GOLGB1: variants seen among roughly 807,000 people sequenced by gnomAD.
GOLGB1 encodes the protein golgin subfamily B member 1.
GOLGB1 carries 174 observed loss-of-function variants against 336.9 expected under a neutral mutation model. That is an observed-to-expected ratio of 0.52 (90% CI 0.46 to 0.59). The LOEUF (loss-of-function observed/expected upper bound fraction) is 0.59, where lower values mean the gene tolerates loss of function less well. Ranked by LOEUF, GOLGB1 falls within the 20% of genes least tolerant of loss-of-function variation. GOLGB1 has a pLI of 0.00. For missense variants in GOLGB1, 3,331 were observed against 3,645.3 expected, an observed-to-expected ratio of 0.91 and a Z score of 2.22; for synonymous variants, 1,208 against 1,289.2, an observed-to-expected ratio of 0.94 and a Z score of 1.35.
chr3:121,729,196 G>A lies in GOLGB1; in HGVS notation c.394C>T (p.Leu132Phe). 1 of 1,604,978 alleles carries A rather than the reference G, an allele frequency of 6.2e-7. No homozygotes were observed. The highest frequency in any genetic ancestry group is 8.5e-7 in the Non-Finnish European group (1 of 1,176,568). The change falls in exon 4 of 22, where the codon CTT (leucine) becomes TTT (phenylalanine). Residue 132 changes from leucine to phenylalanine, a missense_variant. Coordinates refer to ENST00000614479, the MANE Select transcript of GOLGB1 (RefSeq NM_001366282.2). ...ACACCCAGTCACCATACCTTGGAAAGTTGCTCCTCTGACTGAGGTTCTGTA... is the reference window on the plus strand; with the variant it reads ...ACACCCAGTCACCATACCTTGGAAAATTGCTCCTCTGACTGAGGTTCTGTA... ...LPTEPQSEEQ[L>F]SKHDKSSTEE...
In GOLGB1 at chr3:121,693,885, G is replaced by T. The variant is rs1334582098; in HGVS notation, c.6638C>A (p.Ala2213Asp). ...ACTAAACTTCCTCTCCCATTTCTTAGCTTCATCTATCACCCTGTCACGATC... is the reference window on the plus strand; with the variant it reads ...ACTAAACTTCCTCTCCCATTTCTTATCTTCATCTATCACCCTGTCACGATC... ...QDDRDRVIDE[A>D]KKWERKFSDA... Residue 2213 changes from alanine to aspartate, a missense_variant, in exon 13 of 22, where the codon GCT becomes GAT. Physicochemically the swap from Ala to Asp is moderately radical, Grantham distance 126 (BLOSUM62 -2). Coordinates refer to ENST00000614479, the MANE Select transcript of GOLGB1 (RefSeq NM_001366282.2). 3.1e-6 allele frequency: 5 copies of T among 1,613,904 alleles called. No individual in the cohort carries two copies.
Position 121,716,852 on chromosome 3 carries a change from C to T in GOLGB1, c.1173G>A (p.Lys391=), listed in dbSNP as rs777745968. 1.9e-6 allele frequency: 3 copies of T among 1,613,772 alleles called. No individual in the cohort carries two copies. The highest frequency in any genetic ancestry group is 2.5e-6 in the Non-Finnish European group (3 of 1,179,710). ...EKTSHILSLQ[K]TGQELQSACD... is the part of the protein sequence containing the mutation. ...AGGCAGACTGCAGCTCTTGTCCAGT[C>T]TTTTGAAGACTCAAAATATGAGAGG... Residue 391 remains lysine, a synonymous_variant, in exon 9 of 22, where the codon AAG becomes AAA. Transcript: ENST00000614479.
chr3:121,677,404 G>A lies in GOLGB1; in HGVS notation c.8920C>T (p.Gln2974Ter), dbSNP rs1560181322. ...TTATCTGAGATAGCCATAAGGTACT[G>A]TTCCTTCATTCTCCTCTCATGTATT... ...WEIHERRMKE[Q>*]YLMAISDKDQ... The change falls in exon 16 of 22, where the codon CAG (glutamine) becomes TAG (stop). Residue 2974 changes from glutamine (Q) to a stop codon, truncating the protein, a stop_gained. Coordinates refer to ENST00000614479, the MANE Select transcript of GOLGB1 (RefSeq NM_001366282.2). LOFTEE classifies it high-confidence loss of function. The A allele has an allele frequency of 6.2e-7, 1 of 1,607,046 alleles. No homozygotes were observed. The highest frequency in any genetic ancestry group is 8.5e-7 in the Non-Finnish European group (1 of 1,173,646).
intron 5 of GOLGB1, among the ~76,000 whole-genome samples, chr3:121,723,296 A>G (rs1945324413): frequency 6.6e-6 from 1 of 152,202 alleles, no homozygotes; most frequent in Non-Finnish European, 1.5e-5. Context: ...GTTACTGTTG[A>G]GGTGCTGCAC....
intron 11 of GOLGB1, among the ~76,000 whole-genome samples, chr3:121,702,196 G>A (rs1260166730): frequency 6.6e-6 from 1 of 152,008 alleles, no homozygotes; most frequent in Non-Finnish European, 1.5e-5. Context: ...TCCTGTTCAA[G>A]CCATACTTCC....
intron 13 of GOLGB1, 110 bp from the exon 14 acceptor site, chr3:121,692,691 C>T (rs1942558630): frequency 1.6e-6 from 1 of 619,676 alleles, no homozygotes; most frequent in Non-Finnish European, 2.7e-6. Flanking sequence ...AATTAACATT[C>T]ATAACAGGTG....
intron 20 of GOLGB1, among the ~76,000 whole-genome samples, chr3:121,665,718 C>T (rs77570895): frequency 0.17 from 25,428 of 152,128 alleles, 2,704 homozygotes; most frequent in Middle Eastern, 0.29. Context: ...TAACACAGCA[C>T]GTTTGATCAA....
intron 20 of GOLGB1, 78 bp downstream of exon 20, chr3:121,667,398 T>A: frequency 7.0e-7 from 1 of 1,437,922 alleles, no homozygotes; most frequent in South Asian, 1.3e-5. Context: ...TAAGAAATCC[T>A]AAGTCTGGCA....
rs1432496026 is a variant in GOLGB1, at chr3:121,697,231, G to C, written c.3292C>G (p.Leu1098Val). The change falls in exon 13 of 22, where the codon CTG (leucine) becomes GTG (valine). Residue 1098 changes from leucine (L) to valine (V), a missense_variant. Physicochemically the swap from Leu to Val is conservative, Grantham distance 32 (BLOSUM62 1). Transcript: ENST00000614479. ...KLAAEEQFQA[L>V]VKQMNQTLQD... is the part of the protein sequence containing the mutation. ...AAGGTCTGATTCATCTGTTTGACCA[G>C]AGCCTGGAATTGCTCTTCAGCTGCC... 2 of 1,614,114 alleles carry C rather than the reference G, an allele frequency of 1.2e-6. No individual in the cohort carries two copies.
chr3:121,695,731 A>G lies in GOLGB1; in HGVS notation c.4792T>C (p.Leu1598=), dbSNP rs1381529990. 3.1e-6 allele frequency: 5 copies of G among 1,611,508 alleles called. No individual in the cohort carries two copies. The highest frequency in any genetic ancestry group is 2.7e-5 in the African/African-American group (2 of 75,038). The change falls in exon 13 of 22, where the codon TTG becomes CTG. Residue 1598 remains leucine, a synonymous_variant. Transcript: ENST00000614479. The stretch of plus-strand genomic sequence containing the variant: ...CTTTCTGCAATCTTAGAAGATTTCA[A>G]AGATTCAATTTCCTTCACTAACTTT... ...KEKLVKEIES[L]KSSKIAESTE... is the part of the protein sequence containing the mutation.
chr3:121,731,945 AAC>A (rs1454900867), intron 1 of GOLGB1, among the ~76,000 whole-genome samples: 3 of 152,180 alleles, frequency 2.0e-5, no homozygotes, highest in Non-Finnish European at 4.4e-5. Context: ...CCAAGAAAAA[AAC>A]AGAGAAGACA....
intron 11 of GOLGB1, 72 bp downstream of exon 11, chr3:121,702,409 A>G: frequency 1.8e-6 from 1 of 543,746 alleles, no homozygotes; most frequent in Non-Finnish European, 3.2e-6. Flanking sequence ...CATGTTATAC[A>G]TAATTAGTGA....
At chr3:121,733,612 C>G (rs776981562) in intron 1 of GOLGB1, among the ~76,000 whole-genome samples, 3 of 152,108 alleles carry the variant, frequency 2.0e-5, no homozygotes, top group Non-Finnish European at 4.4e-5. Flanking sequence ...TAGTAAACAT[C>G]AAAAAGCTGA....
chr3:121,727,395 A>G (rs1421701953), intron 4 of GOLGB1, among the ~76,000 whole-genome samples: 1 of 144,798 alleles, frequency 6.9e-6, no homozygotes, highest in African/African-American at 2.6e-5. Context: ...AATATAGAAA[A>G]CAGCTATCTG....
At chr3:121,704,297 A>C (rs1158137635) in intron 10 of GOLGB1, among the ~76,000 whole-genome samples, 1 of 152,198 alleles carries the variant, frequency 6.6e-6, no homozygotes, top group Non-Finnish European at 1.5e-5. Flanking sequence ...GAAACTCAAC[A>C]AAAGCAAGCA....
rs144258872 is a variant in GOLGB1, at chr3:121,708,549, C to T, written c.1405-5954G>A. ...TCAGGAGGCTGAGGTGAGAGGATTGCTTGAGCCCAGGAAGTTAAGGCTATA... is the reference window on the plus strand; with the variant it reads ...TCAGGAGGCTGAGGTGAGAGGATTGTTTGAGCCCAGGAAGTTAAGGCTATA... On this transcript the variant is annotated intron_variant, in intron 10 of 21. Coordinates refer to ENST00000614479, the MANE Select transcript of GOLGB1 (RefSeq NM_001366282.2). 2.5e-4 allele frequency among the ~76,000 whole-genome samples: 38 copies of T among 152,196 alleles called. No homozygotes were observed. In the East Asian group the frequency reaches 6.6e-3, roughly 26 times the overall value.
At chr3:121,673,723 C>G (rs997292871) in intron 17 of GOLGB1, among the ~76,000 whole-genome samples, 2 of 151,608 alleles carry the variant, frequency 1.3e-5, no homozygotes, top group Admixed American at 6.6e-5. Flanking sequence ...ATCTATCTAT[C>G]TATCTATCTA....
intron 9 of GOLGB1, among the ~76,000 whole-genome samples, chr3:121,715,369 A>ATTTT (rs373634444): frequency 1.6e-5 from 2 of 128,576 alleles, no homozygotes. Context: ...TGCCTGGCTA[A>ATTTT]TTTTTTTTTT....
At chr3:121,688,712 C>A (rs1942057949) in intron 14 of GOLGB1, among the ~76,000 whole-genome samples, 6 of 151,750 alleles carry the variant, frequency 4.0e-5, no homozygotes, top group Admixed American at 3.9e-4. Flanking sequence ...AGCGTCTCTG[C>A]CCGGCCGCCA....
Sources: gnomAD v4.1 joint callset for allele counts (sites outside exome capture counted in the v4.1 genomes callset) on GRCh38, gnomAD v4.1.1 for gene constraint, MANE v1.5 for transcripts, NCBI Gene and HGNC (gene_info 2026-07-23, HGNC 2026-07-21) for gene names.